Variants in MIIP observed in about 807,000 individuals in gnomAD.
MIIP encodes the protein migration and invasion-inhibitory protein.
Under a neutral mutation model 44.8 loss-of-function variants are expected in MIIP, and 44 were observed. The observed-to-expected ratio is 0.98, with a 90% CI of 0.77 to 1.26. The LOEUF is 1.26. MIIP is among the 50% of genes most tolerant of loss of function. The probability of loss-of-function intolerance (pLI) is 0.00; values close to 1 mark genes in which losing one functional copy is unlikely to be tolerated. For missense variants in MIIP, 496 were observed against 511.7 expected (o/e 0.97, Z 0.30); for synonymous variants, 225 against 218.3 (o/e 1.03, Z -0.27).
At chr1:12,031,503 A>G (rs1640242306) in intron 9 of MIIP, 100 bp downstream of exon 9, 6 of 1,560,868 alleles carry the variant, frequency 3.8e-6, no homozygotes, top group Non-Finnish European at 5.2e-6. Flanking sequence ...GGTAGGATTG[A>G]GGTGGGGAGG....
rs199967374 is a variant in MIIP at position 12,030,101 on chromosome 1, T to G, written c.919T>G (p.Ser307Ala). Residue 307 changes from serine (S) to alanine (A), a missense_variant, in exon 8 of 10, where the codon TCT becomes GCT. Transcript: ENST00000235332. ...CCACCGGCGAAAGAGCTTTGACGCC[T>G]CTGACACACTGGCCCTGCCCCGGGT... The part of the protein sequence containing the change: ...HIHRRKSFDA[S>A]DTLALPRHCL... 3.1e-6 allele frequency: 5 copies of G among 1,612,994 alleles called. No homozygotes were observed. In the East Asian group the frequency reaches 1.1e-4, roughly 36 times the overall value.
Position 12,029,295 on chromosome 1 carries a change from C to T in MIIP, c.715+14C>T. ...AAGACCATGAATGTGAGTGCGGGCC[C>T]TCGGCTAGGCCGCTGAGTAGTCCAG... On this transcript the variant is annotated intron_variant, in intron 6 of 9. Transcript: ENST00000235332. The T allele has an allele frequency of 6.2e-7, 1 of 1,611,390 alleles. No individual in the cohort carries two copies. The highest frequency in any genetic ancestry group is 8.5e-7 in the Non-Finnish European group (1 of 1,179,060).
intron 4 of MIIP, among the ~76,000 whole-genome samples, chr1:12,023,229 A>G (rs1448665641): frequency 1.3e-5 from 2 of 149,248 alleles, no homozygotes; most frequent in African/African-American, 2.5e-5. Flanking sequence ...ACGCCCGGCT[A>G]ATTTTTGTAT....
rs139644810 is a variant in MIIP, at chr1:12,021,484, C to T, written c.-82-161C>T. On this transcript the variant is annotated intron_variant, in intron 1 of 9. Transcript: ENST00000235332. Reference sequence around the variant, plus strand: ...TGCTTTCTTTAATTCTAACAACAATCGTATGAGGTAGATACTGTTGTCGTC... The same window carrying T: ...TGCTTTCTTTAATTCTAACAACAATTGTATGAGGTAGATACTGTTGTCGTC... Among the ~76,000 whole-genome samples, 9 of 152,218 alleles carry T rather than the reference C, an allele frequency of 5.9e-5. No homozygotes were observed. In the East Asian group the frequency reaches 1.7e-3, roughly 29 times the overall value.
intron 7 of MIIP, 22 bp downstream of exon 7, chr1:12,029,916 A>T (rs112758519): frequency 6.2e-7 from 1 of 1,611,594 alleles, no homozygotes; most frequent in South Asian, 1.1e-5. Flanking sequence ...GAGTATTGGG[A>T]CACCTTGGGG....
rs1431256076 is a variant in MIIP at position 12,031,272 on chromosome 1, C to A, written c.949C>A (p.Leu317Met). 1 of 1,613,516 alleles carries A rather than the reference C, an allele frequency of 6.2e-7. No homozygotes were observed. Among genetic ancestry groups the A allele is most frequent in the East Asian group, 2.2e-5 (1 of 44,902 alleles). The stretch of plus-strand genomic sequence containing the variant: ...AACTCCTTGCCTTCCACAGCACTGC[C>A]TGCTGGGCTGGGACATTTTTCCTCC... ...SDTLALPRHC[L>M]LGWDIFPPKS... The change falls in exon 9 of 10, where the codon CTG (leucine) becomes ATG (methionine). Residue 317 changes from leucine to methionine, a missense_variant. Leu to Met is a conservative substitution (Grantham distance 15, BLOSUM62 2). Transcript: ENST00000235332.
intron 3 of MIIP, 116 bp from the exon 4 acceptor site, chr1:12,022,717 C>G: frequency 2.4e-6 from 2 of 841,142 alleles, no homozygotes; most frequent in East Asian, 5.3e-5. Flanking sequence ...TGGCTGAGCC[C>G]TGGGCTGCAA....
In MIIP at chr1:12,022,862, A is replaced by T. The variant is rs780146939; in HGVS notation, c.492A>T (p.Ala164=). Residue 164 remains alanine, a synonymous_variant, in exon 4 of 10, where the codon GCA becomes GCT. Transcript: ENST00000235332. ...KPRVTFSEES[A]VPKRSWRLRP... ...GGGTGACCTTCTCTGAGGAGTCTGC[A>T]GTTCCTAAGAGGAGCTGGCGCCTCA... The T allele has an allele frequency of 6.2e-7, 1 of 1,609,570 alleles. No homozygotes were observed. The highest frequency in any genetic ancestry group is 8.5e-7 in the Non-Finnish European group (1 of 1,177,770).
At chr1:12,031,570 A>G in intron 9 of MIIP, 152 bp from the exon 10 acceptor site, 2 of 1,593,942 alleles carry the variant, frequency 1.3e-6, no homozygotes, top group South Asian at 2.3e-5. Flanking sequence ...GACCCTAGCC[A>G]TCCCTCGGAA....
chr1:12,023,850 C>T (rs1218740128), intron 4 of MIIP, among the ~76,000 whole-genome samples: 11 of 151,780 alleles, frequency 7.2e-5, no homozygotes, highest in African/African-American at 4.8e-5. Flanking sequence ...AATAATTAGC[C>T]GGGTGTGGTG....
chr1:12,021,831 A>G lies in MIIP; in HGVS notation c.105A>G (p.Ala35=), dbSNP rs1330759168. Residue 35 remains alanine, a synonymous_variant, in exon 2 of 10, where the codon GCA becomes GCG. Transcript: ENST00000235332. The stretch of plus-strand genomic sequence containing the variant: ...CTGTGCGGCGGTCAGTGGCCAGGGC[A>G]GCCTCGGAGGTGCGTGCCCGCCTTG... ...QDAVRRSVAR[A]ASESSLESSS... is the part of the protein sequence containing the mutation. 1.2e-6 allele frequency: 2 copies of G among 1,607,978 alleles called. No homozygotes were observed. Among genetic ancestry groups the G allele is most frequent in the East Asian group, 2.2e-5 (1 of 44,838 alleles).
intron 4 of MIIP, among the ~76,000 whole-genome samples, chr1:12,023,300 G>C (rs1640024943): frequency 6.6e-6 from 1 of 151,752 alleles, no homozygotes; most frequent in African/African-American, 2.4e-5. Context: ...CTGAGCTCAA[G>C]ATATCCACCT....
At chr1:12,026,804 A>G (rs1640112697) in intron 4 of MIIP, among the ~76,000 whole-genome samples, 1 of 152,196 alleles carries the variant, frequency 6.6e-6, no homozygotes, top group Non-Finnish European at 1.5e-5. Flanking sequence ...AGGCCCGGTG[A>G]GACAGAATCT....
rs1640200759 is a variant in MIIP at position 12,030,036 on chromosome 1, TC to T, written c.857del (p.Pro286ArgfsTer106). ...LAQPAHVRVS[I>X]PLSILEPPHR... ...ACTGCCCCCCTGCGCAGGGTGAGCA[TC>T]CCGCTGTCGATCCTGGAGCCCCCGC... On this transcript the variant is annotated frameshift_variant, in exon 8 of 10. Transcript: ENST00000235332. LOFTEE classifies it high-confidence loss of function. The T allele has an allele frequency of 6.2e-7, 1 of 1,613,270 alleles. No homozygotes were observed.
intron 2 of MIIP, 41 bp from the exon 3 acceptor site, chr1:12,022,054 T>C (rs1468135192): frequency 6.3e-7 from 1 of 1,592,530 alleles, no homozygotes; most frequent in Non-Finnish European, 8.6e-7. Context: ...GTGGGTAGGT[T>C]CTGGCAGCCA....
intron 6 of MIIP, 163 bp from the exon 7 acceptor site, chr1:12,029,602 G>T: frequency 9.8e-7 from 1 of 1,018,424 alleles, no homozygotes; most frequent in Non-Finnish European, 1.4e-6. Context: ...CTTAGGGCGT[G>T]GGCCCCAGGT....
intron 4 of MIIP, 51 bp from the exon 5 acceptor site, chr1:12,028,982 G>T: frequency 6.8e-7 from 1 of 1,481,040 alleles, no homozygotes; most frequent in South Asian, 1.1e-5. Context: ...TGGCCACACA[G>T]CAGCCCCCAG....
rs186255366 is a variant in MIIP, at chr1:12,023,464, C to A, written c.547+547C>A. Among the ~76,000 whole-genome samples the A allele has an allele frequency of 2.0e-5, 3 of 149,066 alleles. No individual in the cohort carries two copies. In the East Asian group the frequency reaches 6.1e-4, roughly 30 times the overall value. ...TGTCGCCCAGGCTGGAGTGAAGTGG[C>A]GCAATCTCGGCTCACTGCAAGCCCC... On this transcript the variant is annotated intron_variant, in intron 4 of 9. Transcript: ENST00000235332.
At position 12,031,899 on chromosome 1, in the gene MIIP, C is replaced by T; in HGVS notation, c.*91C>T. On this transcript the variant is annotated 3_prime_UTR_variant, in exon 10 of 10. Transcript: ENST00000235332. ...CCAGGAGATGGAATCCCCTGCCCGC[C>T]CAGCTCAGGCCCAGCTGTCCTAGGT... 1 of 1,297,794 alleles carries T rather than the reference C, an allele frequency of 7.7e-7. No individual in the cohort carries two copies. Among genetic ancestry groups the T allele is most frequent in the Non-Finnish European group, 1.1e-6 (1 of 920,148 alleles). The allele number at this position is 1,297,794 out of a possible 1,614,324, so 80.4% of individuals were successfully genotyped here.
Sources: allele counts gnomAD v4.1 joint callset (sites outside exome capture counted in the v4.1 genomes callset), GRCh38; gene constraint gnomAD v4.1.1; transcripts MANE v1.5; gene names NCBI Gene and HGNC (gene_info 2026-07-23, HGNC 2026-07-21).